The following DNM3 variants were observed in gnomAD, a reference collection of about 807,000 sequenced individuals.
The protein encoded by DNM3 is dynamin 3, also known as dynamin-3.
DNM3 carries 47 observed loss-of-function variants against 101.6 expected under a neutral mutation model. The observed-to-expected ratio is 0.46, with a 90% CI of 0.37 to 0.59. The LOEUF (loss-of-function observed/expected upper bound fraction) is 0.59. Ranked by LOEUF, DNM3 falls within the 20% of genes least tolerant of loss-of-function variation. The probability of loss-of-function intolerance (pLI) is 0.00; values close to 1 mark genes in which losing one functional copy is unlikely to be tolerated. For synonymous variants in DNM3, 385 were observed against 387.9 expected, an observed-to-expected ratio of 0.99 and a Z score of 0.09; for missense variants, 849 against 1,085.7, an observed-to-expected ratio of 0.78 and a Z score of 3.06.
intron 2 of DNM3, among the ~76,000 whole-genome samples, chr1:171,965,603 T>G (rs948382551): frequency 2.7e-5 from 4 of 150,510 alleles, no homozygotes; most frequent in Non-Finnish European, 1.5e-5. Context: ...AGGATACAGA[T>G]GAATAGCCAG....
rs1053749305 is a variant in DNM3, at chr1:172,408,770, G to A, written c.*929G>A. ...GTTGGAAAAAAAATTCACTCTTTAC[G>A]TGCTAATTTGTAATCTTGTTTTGTA... On this transcript the variant is annotated 3_prime_UTR_variant, in exon 21 of 21. Coordinates refer to ENST00000627582, the MANE Select transcript of DNM3 (RefSeq NM_015569.5). The A allele has an allele frequency of 1.2e-5, 12 of 984,944 alleles. No individual in the cohort carries two copies. The highest frequency in any genetic ancestry group is 4.7e-5 in the South Asian group (1 of 21,278). 61.0% of individuals were successfully genotyped at this position (984,944 alleles called of 1,614,324 possible). A position where few individuals can be genotyped will look rare whatever the true frequency, so the allele number is the denominator to read the frequency against.
chr1:172,219,540 A>G (rs2148557846), intron 14 of DNM3, among the ~76,000 whole-genome samples: 1 of 152,252 alleles, frequency 6.6e-6, no homozygotes, highest in East Asian at 1.9e-4. Flanking sequence ...AAGAGAGTGT[A>G]CATCTAGGTG....
intron 10 of DNM3, among the ~76,000 whole-genome samples, chr1:172,057,439 A>G (rs2050738417): frequency 6.6e-6 from 1 of 152,334 alleles, no homozygotes; most frequent in East Asian, 1.9e-4. Context: ...AAGGGCAGCC[A>G]GAGAGAAAGG....
chr1:172,115,176 G>T (rs192522833), intron 13 of DNM3, among the ~76,000 whole-genome samples: 12 of 152,270 alleles, frequency 7.9e-5, no homozygotes, highest in African/African-American at 2.4e-4. Context: ...GAGATAGAAA[G>T]GTGTTAGATA....
chr1:172,047,904 T>C (rs2049931660), intron 9 of DNM3, among the ~76,000 whole-genome samples: 1 of 152,096 alleles, frequency 6.6e-6, no homozygotes, highest in Admixed American at 6.6e-5. Context: ...AGATTCAAAG[T>C]CCCCTGTTAT....
At chr1:172,176,038 A>G (rs529105943) in intron 14 of DNM3, among the ~76,000 whole-genome samples, 4 of 151,926 alleles carry the variant, frequency 2.6e-5, no homozygotes, top group Admixed American at 6.6e-5. Flanking sequence ...AATCCGTAGA[A>G]CCTGTAAATA....
chr1:172,318,782 G>A (rs1032060001), intron 16 of DNM3, among the ~76,000 whole-genome samples: 1 of 152,178 alleles, frequency 6.6e-6, no homozygotes, highest in African/African-American at 2.4e-5. Context: ...TGGGTGGGAA[G>A]AATCAATATC....
In DNM3 at chr1:172,038,165, T is replaced by C. The variant is rs867824093; in HGVS notation, c.850-154T>C. On this transcript the variant is annotated intron_variant, in intron 6 of 20. Transcript: ENST00000627582. ...AGGGAGTTGGTGTTCCTTCTCCCTA[T>C]CTACATAATAGTCAATGTCAAATGC... 5.3e-5 allele frequency among the ~76,000 whole-genome samples: 8 copies of C among 152,198 alleles called. No individual in the cohort carries two copies. The South Asian group carries it at 1.2e-3, about 24-fold the overall frequency.
At chr1:172,367,301 A>G (rs1216188086) in intron 17 of DNM3, among the ~76,000 whole-genome samples, 1 of 151,864 alleles carries the variant, frequency 6.6e-6, no homozygotes, top group Admixed American at 6.6e-5. Context: ...TCCCAGACAA[A>G]CAAAAACTGA....
chr1:171,999,619 C>A (rs1436980535), intron 4 of DNM3, among the ~76,000 whole-genome samples: 1 of 152,068 alleles, frequency 6.6e-6, no homozygotes, highest in Non-Finnish European at 1.5e-5. Flanking sequence ...ATATGTAAAG[C>A]CCAACAGTCT....
intron 14 of DNM3, among the ~76,000 whole-genome samples, chr1:172,181,803 GTT>G (rs71688883): frequency 1.7e-4 from 24 of 138,086 alleles, no homozygotes; most frequent in Non-Finnish European, 1.9e-4. Context: ...TGAAGACAGG[GTT>G]TTTTTTTTTT....
At chr1:172,320,993 G>T (rs533607734) in intron 16 of DNM3, among the ~76,000 whole-genome samples, 167 of 152,254 alleles carry the variant, frequency 1.1e-3, no homozygotes, top group Non-Finnish European at 1.0e-3. Flanking sequence ...TTTTTCTTAA[G>T]AGATTAAAAA....
intron 1 of DNM3, among the ~76,000 whole-genome samples, chr1:171,919,698 T>A (rs2040002741): frequency 6.6e-6 from 1 of 152,242 alleles, no homozygotes; most frequent in Non-Finnish European, 1.5e-5. Context: ...GCAGTTATTC[T>A]AATATAGCGC....
intron 15 of DNM3, among the ~76,000 whole-genome samples, chr1:172,277,860 T>A (rs2063346781): frequency 6.6e-6 from 1 of 152,112 alleles, no homozygotes; most frequent in African/African-American, 2.4e-5. Flanking sequence ...AAATATAGGC[T>A]GCACTGAAGT....
intron 1 of DNM3, among the ~76,000 whole-genome samples, chr1:171,867,065 A>G (rs1571321250): frequency 6.6e-6 from 1 of 152,222 alleles, no homozygotes; most frequent in Admixed American, 6.5e-5. Flanking sequence ...GTAACCACAC[A>G]TGGAGTTCAG....
chr1:172,409,824 T>C lies in DNM3; in HGVS notation c.*1983T>C. ...GGATTATATACTTCAGGGTTTGGCT[T>C]TGTGCTAAATGTGGTTTTGTGTTTT... is the stretch of plus-strand genomic sequence containing the variant. On this transcript the variant is annotated 3_prime_UTR_variant, in exon 21 of 21. Coordinates refer to ENST00000627582, the MANE Select transcript of DNM3 (RefSeq NM_015569.5). 2 of 985,790 alleles carry C rather than the reference T, an allele frequency of 2.0e-6. No individual in the cohort carries two copies. The highest frequency in any genetic ancestry group is 5.2e-4 in the Middle Eastern group (1 of 1,914). The allele number at this position is 985,790 out of a possible 1,614,324, so 61.1% of individuals were successfully genotyped here.
intron 15 of DNM3, among the ~76,000 whole-genome samples, chr1:172,292,601 T>TCATACACA (rs2063968451): frequency 6.7e-6 from 1 of 148,576 alleles, no homozygotes; most frequent in Admixed American, 6.7e-5. Context: ...ATAGAAGACT[T>TCATACACA]CACACACACA....
chr1:171,874,861 A>G (rs6663127), intron 1 of DNM3, among the ~76,000 whole-genome samples: 1 of 151,094 alleles, frequency 6.6e-6, no homozygotes, highest in Non-Finnish European at 1.5e-5. Context: ...GGCTATTGTC[A>G]TCTTTATGTT....
chr1:171,899,663 A>G lies in DNM3; in HGVS notation c.162-22085A>G, dbSNP rs542947002. Among the ~76,000 whole-genome samples the G allele has an allele frequency of 5.9e-5, 9 of 152,356 alleles. No individual in the cohort carries two copies. The East Asian group carries it at 1.7e-3, about 29-fold the overall frequency. On this transcript the variant is annotated intron_variant, in intron 1 of 20. Coordinates refer to ENST00000627582, the MANE Select transcript of DNM3 (RefSeq NM_015569.5). The stretch of plus-strand genomic sequence containing the variant: ...TTACTAAGGGTTTGTTTATGTACTC[A>G]TCCATAAAACATTAGTTGAGGGCCT...
Sources: allele counts gnomAD v4.1 joint callset (sites outside exome capture counted in the v4.1 genomes callset), GRCh38; gene constraint gnomAD v4.1.1; transcripts MANE v1.5; gene names NCBI Gene and HGNC (gene_info 2026-07-23, HGNC 2026-07-21).